Variants in RGPD1 observed in about 807,000 individuals in gnomAD.
RGPD1 encodes RANBP2 like and GRIP domain containing 1.
A neutral mutation model predicts 40.6 loss-of-function variants in RGPD1; 7 were observed. The observed-to-expected ratio is 0.17, with a 90% CI of 0.10 to 0.32. The LOEUF is 0.32. Ranked by LOEUF, RGPD1 falls within the 10% of genes least tolerant of loss-of-function variation. The probability of loss-of-function intolerance (pLI) is 1.00; values close to 1 mark genes in which losing one functional copy is unlikely to be tolerated. For missense variants in RGPD1, 50 were observed against 472.5 expected (o/e 0.11, Z 8.29); for synonymous variants, 24 against 167.0 (o/e 0.14, Z 6.60).
At chr2:86,942,656 C>T (rs1327466059) in intron 1 of RGPD1, among the ~76,000 whole-genome samples, 16 of 134,638 alleles carry the variant, frequency 1.2e-4, no homozygotes, top group Admixed American at 6.2e-4. Flanking sequence ...TCGACCTGGC[C>T]GGGCGGCGGC....
chr2:87,013,575 A>C lies in RGPD1; in HGVS notation c.*1028A>C, dbSNP rs1190305180. 1.3e-5 allele frequency: 1 copy of C among 76,820 alleles called. No individual in the cohort carries two copies. The highest frequency in any genetic ancestry group is 2.5e-5 in the Non-Finnish European group (1 of 39,952). The allele number at this position is 76,820 out of a possible 1,614,324, so 4.8% of individuals were successfully genotyped here. ...GAATGGCAGGCTTTTCCGAGGCTGA[A>C]AGAGATCCAACCCACTTCTATTTCT... On this transcript the variant is annotated 3_prime_UTR_variant, in exon 23 of 23. Coordinates refer to ENST00000641458, the MANE Select transcript of RGPD1 (RefSeq NM_001382344.1).
intron 1 of RGPD1, among the ~76,000 whole-genome samples, chr2:86,915,391 A>G (rs1460271580): frequency 2.7e-5 from 4 of 147,550 alleles, no homozygotes; most frequent in African/African-American, 7.5e-5. Context: ...GTTGCTATAG[A>G]GATTCCTTGC....
chr2:86,914,796 A>C (rs537834270), intron 1 of RGPD1, among the ~76,000 whole-genome samples: 363 of 1,030 alleles, frequency 0.35, 68 homozygotes, highest in South Asian at 0.5. Flanking sequence ...CTCCACCTGG[A>C]CGGGCGGCGG....
chr2:86,924,330 A>AT (rs1335672449), intron 1 of RGPD1, among the ~76,000 whole-genome samples: 2 of 150,950 alleles, frequency 1.3e-5, no homozygotes, highest in African/African-American at 4.9e-5. Flanking sequence ...TAATTTTTGT[A>AT]TTTTTAGTAG....
rs1172099635 is a variant in RGPD1 at position 86,914,693 on chromosome 2, C to CGGA, written c.72+774_72+775insAGG. Among the ~76,000 whole-genome samples, 6 of 29,796 alleles carry CGGA rather than the reference C, an allele frequency of 2.0e-4. 1 individual carries two copies. Among genetic ancestry groups the CGGA allele is most frequent in the African/African-American group, 9.8e-4 (6 of 6,094 alleles). 19.5% of individuals were successfully genotyped at this position (29,796 alleles called of 152,430 possible). On this transcript the variant is annotated intron_variant, in intron 1 of 22. Transcript: ENST00000398193. ...CCTCGACCTGGCCGGGCGGCGGCGG[C>CGGA]GGCGGCGGCGGCGGCCTCGACCTGG...
chr2:86,962,507 CAAAAAAAAAAA>C (rs61486857), intron 6 of RGPD1, among the ~76,000 whole-genome samples: 3 of 29,910 alleles, frequency 1.0e-4, no homozygotes, highest in Non-Finnish European at 1.7e-4. Context: ...GACTCTGTCT[CAAAAAAAAAAA>C]AAAAAAAAAA....
At chr2:86,913,756 T>A (rs1411050420), upstream of RGPD1, 7 of 1,388,772 alleles carry the variant, frequency 5.0e-6, no homozygotes, top group Non-Finnish European at 6.7e-6. Context: ...GCCGGCTACG[T>A]CAGTGGCTTT....
At chr2:86,926,069 G>T (rs1678472114) in intron 1 of RGPD1, among the ~76,000 whole-genome samples, 1 of 152,302 alleles carries the variant, frequency 6.6e-6, no homozygotes, top group Non-Finnish European at 1.5e-5. Flanking sequence ...TTTTGCATAA[G>T]CCCAGAGCCT....
intron 1 of RGPD1, among the ~76,000 whole-genome samples, chr2:86,929,516 G>C (rs1678751032): frequency 6.6e-6 from 1 of 151,706 alleles, no homozygotes; most frequent in African/African-American, 2.4e-5. Context: ...GACAAGTACT[G>C]TTTTAAGTGC....
At chr2:86,918,609 G>A (rs1250474673) in intron 1 of RGPD1, among the ~76,000 whole-genome samples, 4 of 148,168 alleles carry the variant, frequency 2.7e-5, no homozygotes, top group Non-Finnish European at 3.0e-5. Context: ...ACAGGCGCCC[G>A]CCACCACGCC....
Position 87,010,860 on chromosome 2 carries a change from C to T in RGPD1, c.5237-1653C>T, listed in dbSNP as rs1315674517. 2.4e-4 allele frequency among the ~76,000 whole-genome samples: 18 copies of T among 74,916 alleles called. 1 individual carries two copies. Among genetic ancestry groups the T allele is most frequent in the Admixed American group, 1.2e-3 (10 of 8,664 alleles). The allele number at this position is 74,916 out of a possible 152,430, so 49.1% of individuals were successfully genotyped here. On this transcript the variant is annotated intron_variant, in intron 22 of 22. Coordinates refer to ENST00000641458, the MANE Select transcript of RGPD1 (RefSeq NM_001382344.1). ...GGCGGAGGTTGTGGTGAGCTGAGAT[C>T]GCACCATTGCACTCTAGCCTGGGCA...
chr2:86,962,537 AATTT>A (rs754076890), intron 6 of RGPD1, among the ~76,000 whole-genome samples: 13,814 of 105,990 alleles, frequency 0.13, 1,859 homozygotes, highest in African/African-American at 0.44. Context: ...AAAAAAAGAC[AATTT>A]ATTTAACGCT....
In RGPD1 at chr2:86,987,203, AT is replaced by A; in HGVS notation, c.4307del (p.Leu1436Ter). The A allele has an allele frequency of 1.2e-6, 1 of 868,220 alleles. No homozygotes were observed. Among genetic ancestry groups the A allele is most frequent in the Non-Finnish European group, 1.6e-6 (1 of 630,126 alleles). The allele number at this position is 868,220 out of a possible 1,614,324, so 53.8% of individuals were successfully genotyped here. Reference protein sequence around the residue: ...DFADGERKVEHLAVRFKLQDV... With the variant: ...DFADGERKVEXLAVRFKLQDV... ...GCAGATGGAGAAAGAAAAGTAGAGC[AT>A]TTAGCTGTTCGTTTTAAACTACAGG... On this transcript the variant is annotated frameshift_variant, in exon 20 of 23. Transcript: ENST00000641458. LOFTEE classifies it high-confidence loss of function.
Position 86,930,698 on chromosome 2 carries a change from C to T in RGPD1, c.72+16777C>T, listed in dbSNP as rs574021100. 1.1e-4 allele frequency: 175 copies of T among 1,591,462 alleles called. 1 individual carries two copies. In the East Asian group the frequency reaches 1.5e-3, roughly 13 times the overall value. ...ACAGCTCTCGAAGCTGCTGTTGCGG[C>T]GCCCGAAGTGCCCCCCAGGCCTCCT... On this transcript the variant is annotated intron_variant, in intron 1 of 22. Transcript: ENST00000398193.
At chr2:86,931,185 C>G (rs1004771006) in intron 1 of RGPD1, among the ~76,000 whole-genome samples, 12 of 148,094 alleles carry the variant, frequency 8.1e-5, no homozygotes, top group African/African-American at 2.0e-4. Flanking sequence ...ATCAATCTGC[C>G]TTATAGGATA....
At chr2:86,943,122 G>T (rs895297931) in intron 1 of RGPD1, among the ~76,000 whole-genome samples, 3 of 151,502 alleles carry the variant, frequency 2.0e-5, no homozygotes, top group Admixed American at 1.3e-4. Flanking sequence ...AGCTTTGGCG[G>T]CTGTGTCGAG....
At chr2:86,941,129 G>A (rs183293002), upstream of RGPD1, among the ~76,000 whole-genome samples, 537 of 152,254 alleles carry the variant, frequency 3.5e-3, 3 homozygotes, top group African/African-American at 0.012. Context: ...CAACGCATTT[G>A]ATATTTGTCC....
intron 1 of RGPD1, chr2:86,930,655 G>C (rs980302620): frequency 6.2e-7 from 1 of 1,611,198 alleles, no homozygotes; most frequent in African/African-American, 1.3e-5. Context: ...AGGTAGGGCT[G>C]GTTGTTCACT....
chr2:86,945,558 C>A (rs1249333147), intron 1 of RGPD1, among the ~76,000 whole-genome samples: 4 of 152,130 alleles, frequency 2.6e-5, no homozygotes, highest in Admixed American at 2.0e-4. Flanking sequence ...TCTAGTCTTC[C>A]ATTGTGCTTT....
Sources: gnomAD v4.1 joint callset for allele counts (sites outside exome capture counted in the v4.1 genomes callset) on GRCh38, gnomAD v4.1.1 for gene constraint, MANE v1.5 for transcripts, NCBI Gene and HGNC (gene_info 2026-07-23, HGNC 2026-07-21) for gene names.